The following IKZF2 variants were observed in gnomAD, a reference collection of about 807,000 sequenced individuals.
IKZF2 encodes zinc finger protein Helios.
Under a neutral mutation model 49.2 loss-of-function variants are expected in IKZF2, and 15 were observed. The ratio of observed to expected loss-of-function variants is 0.30; its 90% CI spans 0.20 to 0.47. The LOEUF (loss-of-function observed/expected upper bound fraction) is 0.47. Ranked by LOEUF, IKZF2 falls within the 20% of genes least tolerant of loss-of-function variation. The pLI is 1.00. For missense variants in IKZF2, 567 were observed against 664.6 expected, an observed-to-expected ratio of 0.85 and a Z score of 1.61; for synonymous variants, 227 against 221.4, an observed-to-expected ratio of 1.03 and a Z score of -0.23.
intron 4 of IKZF2, among the ~76,000 whole-genome samples, chr2:213,081,831 T>C (rs1344190984): frequency 6.6e-6 from 1 of 152,150 alleles, no homozygotes; most frequent in Non-Finnish European, 1.5e-5. Context: ...TAAATGTGAC[T>C]GTGTACTAAA....
At chr2:213,047,051 G>T (rs1700215552) in intron 6 of IKZF2, among the ~76,000 whole-genome samples, 2 of 152,076 alleles carry the variant, frequency 1.3e-5, no homozygotes, top group African/African-American at 2.4e-5. Flanking sequence ...TGGCAGGCAG[G>T]TTACATTTGA....
chr2:213,021,464 C>T, intron 7 of IKZF2: 1 of 194,168 alleles, frequency 5.2e-6, no homozygotes, highest in Non-Finnish European at 1.1e-5. Flanking sequence ...TGCCTTCCTA[C>T]CTGCCGTAGT....
chr2:213,146,714 C>T lies in IKZF2; in HGVS notation c.139+994G>A, dbSNP rs2061073820. On this transcript the variant is annotated intron_variant, in intron 4 of 8. Coordinates refer to ENST00000434687, the MANE Select transcript of IKZF2 (RefSeq NM_001387220.1). ...TAGTCAGAATACATTTACAAATATG[C>T]TCATAATTAAGTACATGATTCACTT... 2.3e-5 allele frequency among the ~76,000 whole-genome samples: 3 copies of T among 131,480 alleles called. No individual in the cohort carries two copies. The Admixed American group carries it at 2.6e-4, about 11-fold the overall frequency. 86.3% of individuals were successfully genotyped at this position (131,480 alleles called of 152,430 possible). A position where few individuals can be genotyped will look rare whatever the true frequency, so the allele number is the denominator to read the frequency against.
chr2:213,021,708 C>A, intron 7 of IKZF2: 1 of 492,146 alleles, frequency 2.0e-6, no homozygotes, highest in Non-Finnish European at 3.9e-6. Flanking sequence ...AATGTGGAAT[C>A]AGCTCTAACT....
At chr2:213,030,669 C>CA (rs1698314282) in intron 6 of IKZF2, among the ~76,000 whole-genome samples, 1 of 151,486 alleles carries the variant, frequency 6.6e-6, no homozygotes, top group African/African-American at 2.4e-5. Context: ...CAACGTTTTC[C>CA]AAAAAAACTA....
intron 4 of IKZF2, among the ~76,000 whole-genome samples, chr2:213,064,155 C>A (rs1028283301): frequency 2.6e-5 from 4 of 151,844 alleles, no homozygotes; most frequent in Admixed American, 1.3e-4. Flanking sequence ...TTTCTATACT[C>A]CTTGTCCTGC....
chr2:213,029,646 A>C (rs1019618139), intron 6 of IKZF2, among the ~76,000 whole-genome samples: 2 of 152,078 alleles, frequency 1.3e-5, no homozygotes, highest in African/African-American at 4.8e-5. Context: ...TCCCATTAGT[A>C]AGTAACTGTG....
chr2:213,053,283 GT>G (rs1700846767), intron 5 of IKZF2, among the ~76,000 whole-genome samples: 1 of 151,748 alleles, frequency 6.6e-6, no homozygotes, highest in African/African-American at 2.4e-5. Context: ...TCAATCTGTT[GT>G]TTTGTTTTTA....
chr2:213,047,764 A>C (rs1331486820), intron 6 of IKZF2, among the ~76,000 whole-genome samples: 3 of 152,100 alleles, frequency 2.0e-5, no homozygotes, highest in Admixed American at 6.6e-5. Flanking sequence ...CAGGGGATTT[A>C]CTGGGGCATC....
chr2:213,063,244 CAA>C (rs1701867513), intron 4 of IKZF2, among the ~76,000 whole-genome samples: 2 of 152,034 alleles, frequency 1.3e-5, no homozygotes, highest in Middle Eastern at 3.4e-3. Context: ...CTTCTCTGTT[CAA>C]TATAGCTATA....
chr2:213,031,124 C>T (rs1698385144), intron 6 of IKZF2, among the ~76,000 whole-genome samples: 1 of 152,238 alleles, frequency 6.6e-6, no homozygotes, highest in Non-Finnish European at 1.5e-5. Flanking sequence ...CTGCGCCAGG[C>T]TGTGTTAATA....
At chr2:213,109,093 A>C (rs1462426180) in intron 4 of IKZF2, among the ~76,000 whole-genome samples, 1 of 152,098 alleles carries the variant, frequency 6.6e-6, no homozygotes, top group Non-Finnish European at 1.5e-5. Flanking sequence ...TTAATATATT[A>C]TTTTTTAAAT....
intron 7 of IKZF2, among the ~76,000 whole-genome samples, chr2:213,018,224 G>A (rs144363865): frequency 6.6e-6 from 1 of 151,984 alleles, no homozygotes; most frequent in Admixed American, 6.6e-5. Flanking sequence ...AAGATAATCT[G>A]CCATAAAACC....
At position 213,007,942 on chromosome 2, in the gene IKZF2, A is replaced by G; in HGVS notation, c.999T>C (p.Leu333=). The change falls in exon 9 of 9, where the codon CTT becomes CTC. Residue 333 remains leucine, a synonymous_variant. Transcript: ENST00000434687. ...TTGGCGGGTGCTGCATCAGAGGGTG[A>G]AGGGCCTCAGCTCCAAGGTAGGTGA... ...NAITYLGAEA[L]HPLMQHPPST... 6.2e-7 allele frequency: 1 copy of G among 1,613,510 alleles called. No homozygotes were observed. Among genetic ancestry groups the G allele is most frequent in the Non-Finnish European group, 8.5e-7 (1 of 1,179,704 alleles).
rs114625035 is a variant in IKZF2, at chr2:213,080,002, A to G, written c.140-22903T>C. ...TACCTAATCTGATAAACTGCTGAGC[A>G]ATATTTAGCAAGAAATTTGACTAAC... On this transcript the variant is annotated intron_variant, in intron 4 of 8. Coordinates refer to ENST00000434687, the MANE Select transcript of IKZF2 (RefSeq NM_001387220.1). Among the ~76,000 whole-genome samples, 1,389 of 152,318 alleles carry G rather than the reference A, an allele frequency of 9.1e-3. 27 individuals carry two copies. The highest frequency in any genetic ancestry group is 0.032 in the African/African-American group (1,320 of 41,574).
In IKZF2 at chr2:213,021,597, TA is replaced by T. The variant is rs1376686320; in HGVS notation, c.712+395del. On this transcript the variant is annotated intron_variant, in intron 7 of 8. Transcript: ENST00000434687. ...AAAATCAGTAATTTCTCATAAAAAT[TA>T]AAGGGCCGATTGGAGAAATTTCAAA... The T allele has an allele frequency of 1.8e-5, 6 of 340,684 alleles. No homozygotes were observed. The East Asian group carries it at 5.5e-4, about 31-fold the overall frequency. 21.1% of individuals were successfully genotyped at this position (340,684 alleles called of 1,614,324 possible). A position where few individuals can be genotyped will look rare whatever the true frequency, so the allele number is the denominator to read the frequency against.
chr2:213,136,013 C>T (rs982412528), intron 4 of IKZF2, among the ~76,000 whole-genome samples: 1 of 144,570 alleles, frequency 6.9e-6, no homozygotes, highest in Non-Finnish European at 1.5e-5. Flanking sequence ...CGCGCCACGG[C>T]ACTCCAGCCT....
intron 6 of IKZF2, among the ~76,000 whole-genome samples, chr2:213,041,388 C>T (rs997585523): frequency 7.9e-5 from 12 of 151,840 alleles, no homozygotes; most frequent in African/African-American, 2.4e-4. Context: ...GGCTGGTGTC[C>T]GCCTCCCGGG....
chr2:213,141,837 T>C (rs2060885927), intron 4 of IKZF2, among the ~76,000 whole-genome samples: 1 of 151,980 alleles, frequency 6.6e-6, no homozygotes, highest in South Asian at 2.1e-4. Context: ...ACATATGAGG[T>C]ATCCCACAAA....
Sources: allele counts gnomAD v4.1 joint callset (sites outside exome capture counted in the v4.1 genomes callset), GRCh38; gene constraint gnomAD v4.1.1; transcripts MANE v1.5; gene names NCBI Gene and HGNC (gene_info 2026-07-23, HGNC 2026-07-21).